Variants in SP140 observed in about 807,000 individuals in gnomAD.
SP140 encodes nuclear body protein SP140.
SP140 carries 81 observed loss-of-function variants against 125.0 expected under a neutral mutation model. The ratio of observed to expected loss-of-function variants is 0.65; its 90% CI spans 0.54 to 0.78. SP140 has a LOEUF of 0.78. Among genes scored for constraint, SP140 ranks in the 30% least tolerant of loss-of-function variants. The probability of loss-of-function intolerance (pLI) is 0.00; values close to 1 mark genes in which losing one functional copy is unlikely to be tolerated. For synonymous variants in SP140, 312 were observed against 354.0 expected (o/e 0.88, Z 1.33); for missense variants, 858 against 1,037.0 (o/e 0.83, Z 2.37).
chr2:230,202,519 T>C, upstream of SP140: 2 of 1,551,444 alleles, frequency 1.3e-6, no homozygotes, highest in South Asian at 1.1e-5. Context: ...CTGTACCTGC[T>C]TCAGGAGAGA....
chr2:230,214,013 T>C (rs1377325300), exon 3 of SP140: 2 of 152,260 alleles, frequency 1.3e-5, no homozygotes, highest in Admixed American at 1.3e-4. Context: ...CTGTCAACAA[T>C]GGTGATTCCA....
At chr2:230,277,161 C>A (rs1342299481) in intron 15 of SP140, among the ~76,000 whole-genome samples, 1 of 152,120 alleles carries the variant, frequency 6.6e-6, no homozygotes, top group African/African-American at 2.4e-5. Flanking sequence ...TTGCATGCTA[C>A]AGAGAAATCT....
rs567990046 is a variant in SP140, at chr2:230,211,277, C to G, written c.-322-2377C>G. ...CAGACTTGCCTCCTTTGCCCTCCCC[C>G]AGGGACTCTGTATCCATTCAGAGGT... On this transcript the variant is annotated intron_variant, in intron 1 of 4. Coordinates refer to the SP140 transcript ENST00000456542. This position sits in a 1 kb window ranked among gnomAD's most constrained non-coding sequence, Gnocchi z 4.2. Among the ~76,000 whole-genome samples, 109 of 152,304 alleles carry G rather than the reference C, an allele frequency of 7.2e-4. No individual in the cohort carries two copies. Among genetic ancestry groups the G allele is most frequent in the Non-Finnish European group, 1.4e-3 (98 of 68,028 alleles).
intron 3 of SP140, among the ~76,000 whole-genome samples, chr2:230,217,137 T>C (rs1326018598): frequency 6.7e-6 from 1 of 150,120 alleles, no homozygotes; most frequent in Non-Finnish European, 1.5e-5. Context: ...TCCCAGCTAC[T>C]TGGGAGGCTG....
intron 1 of SP140, among the ~76,000 whole-genome samples, chr2:230,235,868 G>GT (rs984054259): frequency 0.03 from 2,310 of 77,980 alleles, 77 homozygotes; most frequent in African/African-American, 0.053. Context: ...TCTTGTGACT[G>GT]TTTTTTTTTT....
downstream of SP140, among the ~76,000 whole-genome samples, chr2:230,313,500 C>CGGCT (rs2149652995): frequency 6.6e-6 from 1 of 152,294 alleles, no homozygotes; most frequent in South Asian, 2.1e-4. Context: ...GTATGGTGTG[C>CGGCT]GGCTACTCTG....
chr2:230,304,572 A>G (rs967757919), intron 22 of SP140, among the ~76,000 whole-genome samples: 3 of 152,222 alleles, frequency 2.0e-5, no homozygotes, highest in Non-Finnish European at 4.4e-5. Context: ...ACATAGACCA[A>G]TGGAACAGAA....
At chr2:230,220,458 G>A (rs2045716154) in intron 3 of SP140, among the ~76,000 whole-genome samples, 1 of 152,178 alleles carries the variant, frequency 6.6e-6, no homozygotes, top group Non-Finnish European at 1.5e-5. Context: ...AACTTGTCAG[G>A]ATAAGATTAT....
chr2:230,192,851 A>G, the SP140 span, among the ~76,000 whole-genome samples: 4 of 152,192 alleles, frequency 2.6e-5, no homozygotes, highest in Admixed American at 6.5e-5. Flanking sequence ...TCTTCTGTAA[A>G]TATCTATTAG....
At chr2:230,311,698 C>T (rs898438614) in intron 26 of SP140, 103 bp downstream of exon 26, 271 of 1,343,128 alleles carry the variant, frequency 2.0e-4, no homozygotes, top group Non-Finnish European at 2.7e-4. Context: ...TAAGCTTGCA[C>T]GAGCAAGGGT....
downstream of SP140, among the ~76,000 whole-genome samples, chr2:230,314,796 C>T (rs1159246791): frequency 2.0e-5 from 3 of 152,232 alleles, no homozygotes; most frequent in African/African-American, 7.2e-5. Context: ...GAATGCACTG[C>T]TGAGGGGGCA....
chr2:230,253,417 G>A lies in SP140; in HGVS notation c.1159G>A (p.Glu387Lys), dbSNP rs1454865772. 3.8e-6 allele frequency: 6 copies of A among 1,590,450 alleles called. No homozygotes were observed. The highest frequency in any genetic ancestry group is 1.3e-5 in the African/African-American group (1 of 74,408). The change falls in exon 11 of 27, where the codon GAG becomes AAG. Residue 387 changes from glutamate (E) to lysine (K), a missense_variant and splice_region_variant. By Grantham distance (56) the Glu-to-Lys change is moderately conservative. Transcript: ENST00000392045. ...CAGTCTACTACCAGGTGAAGGAGAA[G>A]GTAATTATGATGTACATTTTTAGGT... ...ELSLLPGEGE[E>K]GSDDCSEMCD...
In SP140 at chr2:230,312,650, T is replaced by G; in HGVS notation, c.2570T>G (p.Val857Gly). ...EAEFEKNFKE[V>G]FAIQETNGNN ...GAGTTTGAGAAGAATTTCAAGGAAGTGTTTGCTATTCAGGAAACAAATGGG... is the reference window on the plus strand; with the variant it reads ...GAGTTTGAGAAGAATTTCAAGGAAGGGTTTGCTATTCAGGAAACAAATGGG... Residue 857 changes from valine (V) to glycine (G), a missense_variant, in exon 27 of 27, where the codon GTG becomes GGG. By Grantham distance (109) the Val-to-Gly change is moderately radical. This residue lies in a region of SP140 where 43 missense variants were observed against 35.1 expected (regional missense o/e 1.23). Coordinates refer to ENST00000392045, the MANE Select transcript of SP140 (RefSeq NM_007237.5). The G allele has an allele frequency of 6.2e-7, 1 of 1,612,966 alleles. No homozygotes were observed. The highest frequency in any genetic ancestry group is 8.5e-7 in the Non-Finnish European group (1 of 1,179,194).
intron 3 of SP140, among the ~76,000 whole-genome samples, chr2:230,216,400 G>A (rs1209190997): frequency 6.6e-6 from 1 of 152,146 alleles, no homozygotes; most frequent in Non-Finnish European, 1.5e-5. Context: ...TACAAGGCAA[G>A]GAACACTAAG....
Position 230,238,105 on chromosome 2 carries a change from G to C in SP140, c.238-108G>C, listed in dbSNP as rs112290363. The C allele has an allele frequency of 1.4e-3, 1,071 of 753,870 alleles. 2 individuals carry two copies. The highest frequency in any genetic ancestry group is 2.0e-3 in the Non-Finnish European group (942 of 472,554). 46.7% of individuals were successfully genotyped at this position (753,870 alleles called of 1,614,324 possible). On this transcript the variant is annotated intron_variant, in intron 2 of 26. Coordinates refer to ENST00000392045, the MANE Select transcript of SP140 (RefSeq NM_007237.5). The stretch of plus-strand genomic sequence containing the variant: ...CATTTAAGAAGTCATCCAAATATAC[G>C]CAAAATTCTAACATTTCACAAGAGA...
intron 12 of SP140, among the ~76,000 whole-genome samples, chr2:230,259,794 A>G (rs2051901415): frequency 8.9e-6 from 1 of 112,524 alleles, no homozygotes; most frequent in East Asian, 2.5e-4. Context: ...ATATATATAT[A>G]TACCACATAC....
chr2:230,284,488 G>T, intron 16 of SP140, 77 bp downstream of exon 16: 1 of 1,252,570 alleles, frequency 8.0e-7, no homozygotes, highest in Non-Finnish European at 1.1e-6. Flanking sequence ...AAGGCCTGCA[G>T]TTCCCCAGAG....
rs138983135 is a variant in SP140, at chr2:230,211,833, T to A, written c.-322-1821T>A. ...TATTTGGATCGAAGAGGACCCCTCT[T>A]CTCAGTACTGGAGAGCTCAGAATCC... On this transcript the variant is annotated intron_variant, in intron 1 of 4. Transcript: ENST00000456542. This position sits in a 1 kb window ranked among gnomAD's most constrained non-coding sequence, Gnocchi z 4.2. Among the ~76,000 whole-genome samples, 10 of 152,296 alleles carry A rather than the reference T, an allele frequency of 6.6e-5. No homozygotes were observed. Among genetic ancestry groups the A allele is most frequent in the Non-Finnish European group, 1.3e-4 (9 of 68,010 alleles).
Position 230,247,914 on chromosome 2 carries a change from A to G in SP140, c.743-2A>G, listed in dbSNP as rs1331124665. 3 of 1,611,234 alleles carry G rather than the reference A, an allele frequency of 1.9e-6. No homozygotes were observed. The highest frequency in any genetic ancestry group is 2.7e-5 in the African/African-American group (2 of 74,592). ...CTCAGAGATGCCTTTTTTGATCCCTAGTTCTAGAAAGCAACGGGATGATAG... is the reference window on the plus strand; with the variant it reads ...CTCAGAGATGCCTTTTTTGATCCCTGGTTCTAGAAAGCAACGGGATGATAG... On this transcript the variant is annotated splice_acceptor_variant, in intron 7 of 26. Coordinates refer to ENST00000392045, the MANE Select transcript of SP140 (RefSeq NM_007237.5). LOFTEE classifies it high-confidence loss of function.
Sources: gnomAD v4.1 joint callset for allele counts (sites outside exome capture counted in the v4.1 genomes callset) on GRCh38, gnomAD v4.1.1 for gene constraint, gnomAD v4.1.1 regional missense constraint, Gnocchi (gnomAD v3.1) non-coding constraint, MANE v1.5 for transcripts, NCBI Gene and HGNC (gene_info 2026-07-23, HGNC 2026-07-21) for gene names.